The following EXOC6B variants were observed in gnomAD, a reference collection of about 807,000 sequenced individuals.
EXOC6B encodes the protein exocyst complex component 6B, also known as SEC15 homolog B.
A neutral mutation model predicts 113.5 loss-of-function variants in EXOC6B; 54 were observed. That is an observed-to-expected ratio of 0.48 (90% CI 0.38 to 0.60). The LOEUF (loss-of-function observed/expected upper bound fraction) is 0.60. EXOC6B is among the 20% of genes least tolerant of loss of function. The pLI, the probability that EXOC6B is intolerant of heterozygous loss-of-function variation, is 0.00. For synonymous variants in EXOC6B, 357 were observed against 339.0 expected (o/e 1.05, Z -0.58); for missense variants, 797 against 977.5 (o/e 0.82, Z 2.46).
chr2:72,604,845 C>A lies in EXOC6B; in HGVS notation c.670-29177G>T, dbSNP rs182910256. Among the ~76,000 whole-genome samples, 5 of 152,282 alleles carry A rather than the reference C, an allele frequency of 3.3e-5. 1 individual carries two copies. In the East Asian group the frequency reaches 7.7e-4, roughly 23 times the overall value. On this transcript the variant is annotated intron_variant, in intron 6 of 21. Coordinates refer to ENST00000272427, the MANE Select transcript of EXOC6B (RefSeq NM_015189.3). ...CCAGCTTTTACACAAATTATTTCTT[C>A]CCCATTACTGACAATTAAACAACAT...
intron 18 of EXOC6B, among the ~76,000 whole-genome samples, chr2:72,411,898 C>A (rs189770384): frequency 6.6e-6 from 1 of 151,940 alleles, no homozygotes; most frequent in Admixed American, 6.5e-5. Flanking sequence ...TAAACAAAAA[C>A]CTGAGATGAA....
At chr2:72,344,861 T>C (rs1398845947) in intron 19 of EXOC6B, among the ~76,000 whole-genome samples, 1 of 152,070 alleles carries the variant, frequency 6.6e-6, no homozygotes, top group Non-Finnish European at 1.5e-5. Context: ...TTAAATCTCC[T>C]GACATCATTT....
chr2:72,414,226 G>C (rs1036702564), intron 18 of EXOC6B, among the ~76,000 whole-genome samples: 15 of 152,072 alleles, frequency 9.9e-5, no homozygotes, highest in African/African-American at 3.6e-4. Context: ...TCCTTTCCCT[G>C]ACATTAAGAG....
chr2:72,330,478 C>A (rs974850743), intron 20 of EXOC6B, among the ~76,000 whole-genome samples: 2 of 152,006 alleles, frequency 1.3e-5, no homozygotes, highest in African/African-American at 4.8e-5. Flanking sequence ...AACTAACATA[C>A]AAAACACCCA....
At chr2:72,188,394 C>A (rs1423417362) in intron 20 of EXOC6B, among the ~76,000 whole-genome samples, 1 of 152,214 alleles carries the variant, frequency 6.6e-6, no homozygotes, top group East Asian at 1.9e-4. Flanking sequence ...TTAAGTTCAA[C>A]CACCATGAGC....
intron 20 of EXOC6B, among the ~76,000 whole-genome samples, chr2:72,237,333 T>A (rs142802522): frequency 6.5e-4 from 99 of 152,334 alleles, no homozygotes; most frequent in African/African-American, 2.3e-3. Context: ...TTGATTTTTA[T>A]CATTGGCCAG....
intron 18 of EXOC6B, among the ~76,000 whole-genome samples, chr2:72,436,390 C>A (rs1695873455): frequency 6.6e-6 from 1 of 152,124 alleles, no homozygotes; most frequent in African/African-American, 2.4e-5. Context: ...GGTTACTCTT[C>A]TCAAAGACTA....
At chr2:72,756,254 G>A (rs1294123893) in intron 1 of EXOC6B, among the ~76,000 whole-genome samples, 1 of 152,264 alleles carries the variant, frequency 6.6e-6, no homozygotes, top group East Asian at 1.9e-4. Flanking sequence ...AATGCTAAAT[G>A]TCCTGGTATT....
At chr2:72,443,897 G>T (rs1407158605) in intron 18 of EXOC6B, among the ~76,000 whole-genome samples, 1 of 152,052 alleles carries the variant, frequency 6.6e-6, no homozygotes, top group Non-Finnish European at 1.5e-5. Flanking sequence ...ATATCATTCT[G>T]CCCATAGGCC....
chr2:72,821,515 T>TA (rs746517276), intron 1 of EXOC6B, among the ~76,000 whole-genome samples: 10 of 151,992 alleles, frequency 6.6e-5, no homozygotes, highest in East Asian at 5.8e-4. Flanking sequence ...CAAAAACTAG[T>TA]ATACAAATGG....
At chr2:72,439,819 A>C (rs1696092056) in intron 18 of EXOC6B, among the ~76,000 whole-genome samples, 1 of 152,188 alleles carries the variant, frequency 6.6e-6, no homozygotes. Flanking sequence ...TTGAGCTTTC[A>C]GTGTCTTGCA....
At chr2:72,226,915 G>A (rs753024072) in intron 20 of EXOC6B, among the ~76,000 whole-genome samples, 11 of 152,178 alleles carry the variant, frequency 7.2e-5, no homozygotes, top group Non-Finnish European at 1.2e-4. Context: ...TAAGATTTGG[G>A]AATCTGCCCT....
chr2:72,675,728 C>T (rs1243839977), intron 6 of EXOC6B, among the ~76,000 whole-genome samples: 1 of 151,336 alleles, frequency 6.6e-6, no homozygotes, highest in African/African-American at 2.4e-5. Flanking sequence ...TGGGAGGTTA[C>T]GGCTGCAGTG....
chr2:72,600,055 T>C (rs572984285), intron 6 of EXOC6B, among the ~76,000 whole-genome samples: 1 of 152,284 alleles, frequency 6.6e-6, no homozygotes, highest in East Asian at 1.9e-4. Flanking sequence ...CTAAAGTTTG[T>C]ATGGAAAGGC....
intron 20 of EXOC6B, among the ~76,000 whole-genome samples, chr2:72,266,588 G>C (rs558344134): frequency 1.3e-5 from 2 of 151,972 alleles, no homozygotes; most frequent in Admixed American, 1.3e-4. Flanking sequence ...TATTTCTGAG[G>C]GCTCTGTTCT....
At chr2:72,390,389 T>C (rs1385135223) in intron 18 of EXOC6B, among the ~76,000 whole-genome samples, 1 of 152,222 alleles carries the variant, frequency 6.6e-6, no homozygotes, top group Non-Finnish European at 1.5e-5. Flanking sequence ...GTCACTTCTG[T>C]CATGTTTGGA....
chr2:72,645,702 A>T (rs1335557884), intron 6 of EXOC6B, among the ~76,000 whole-genome samples: 3 of 152,196 alleles, frequency 2.0e-5, no homozygotes, highest in Admixed American at 1.3e-4. Context: ...CTGGGTAAAT[A>T]AAAAAATGGA....
intron 19 of EXOC6B, among the ~76,000 whole-genome samples, chr2:72,361,127 A>G (rs1379867648): frequency 6.6e-6 from 1 of 152,186 alleles, no homozygotes; most frequent in Non-Finnish European, 1.5e-5. Flanking sequence ...TAGAGAAGAA[A>G]GGAATTACAT....
At position 72,788,856 on chromosome 2, in the gene EXOC6B, C is replaced by T. The variant is rs528422671; in HGVS notation, c.113+36942G>A. On this transcript the variant is annotated intron_variant, in intron 1 of 21. Coordinates refer to ENST00000272427, the MANE Select transcript of EXOC6B (RefSeq NM_015189.3). ...AAAACAAAAAGAATCTCCCATATTCCTTGTGCTACCACTGGCAGAACCTGA... is the reference window on the plus strand; with the variant it reads ...AAAACAAAAAGAATCTCCCATATTCTTTGTGCTACCACTGGCAGAACCTGA... 2.3e-3 allele frequency among the ~76,000 whole-genome samples: 349 copies of T among 152,290 alleles called. 1 individual carries two copies. Among genetic ancestry groups the T allele is most frequent in the African/African-American group, 7.9e-3 (328 of 41,574 alleles).
Sources: gnomAD v4.1 joint callset for allele counts (sites outside exome capture counted in the v4.1 genomes callset) on GRCh38, gnomAD v4.1.1 for gene constraint, MANE v1.5 for transcripts, NCBI Gene and HGNC (gene_info 2026-07-23, HGNC 2026-07-21) for gene names.